The following DOCK4 variants were observed in gnomAD, a reference collection of about 807,000 sequenced individuals.
The protein encoded by DOCK4 is dedicator of cytokinesis protein 4.
A neutral mutation model predicts 268.1 loss-of-function variants in DOCK4; 97 were observed. That is an observed-to-expected ratio of 0.36 (90% CI 0.31 to 0.43). DOCK4 has a LOEUF of 0.43. Among genes scored for constraint, DOCK4 ranks in the 20% least tolerant of loss-of-function variants. The pLI, the probability that DOCK4 is intolerant of heterozygous loss-of-function variation, is 1.00. For missense variants in DOCK4, 2,145 were observed against 2,455.7 expected, an observed-to-expected ratio of 0.87 and a Z score of 2.67; for synonymous variants, 954 against 887.2, an observed-to-expected ratio of 1.08 and a Z score of -1.34.
At chr7:111,783,005 A>G in intron 34 of DOCK4, 81 bp from the exon 35 acceptor site, 5 of 1,149,404 alleles carry the variant, frequency 4.4e-6, no homozygotes, top group Non-Finnish European at 6.1e-6. Flanking sequence ...GGGGAAAAAA[A>G]GAAAGAAAGA....
intron 1 of DOCK4, among the ~76,000 whole-genome samples, chr7:112,021,744 G>T (rs1031495051): frequency 2.6e-5 from 4 of 152,092 alleles, no homozygotes; most frequent in African/African-American, 9.7e-5. Context: ...TATTTCCTCA[G>T]AGGGTTCCCA....
chr7:112,180,844 C>T (rs1441182627), intron 1 of DOCK4, among the ~76,000 whole-genome samples: 2 of 152,090 alleles, frequency 1.3e-5, no homozygotes, highest in East Asian at 1.9e-4. Flanking sequence ...AACTGCCTGC[C>T]CCTCTAGGAA....
intron 1 of DOCK4, among the ~76,000 whole-genome samples, chr7:112,051,015 A>G (rs1301869348): frequency 6.6e-6 from 1 of 152,180 alleles, no homozygotes; most frequent in East Asian, 1.9e-4. Flanking sequence ...AGAGTAAAAT[A>G]TGGCCATTGC....
At chr7:111,747,174 C>T in intron 43 of DOCK4, 93 bp downstream of exon 43, 16 of 1,214,534 alleles carry the variant, frequency 1.3e-5, no homozygotes, top group Non-Finnish European at 1.8e-5. Flanking sequence ...TGTTTGCGTG[C>T]TGATATGGGT....
chr7:111,984,217 T>C, intron 7 of DOCK4, 89 bp downstream of exon 7: 1 of 1,172,970 alleles, frequency 8.5e-7, no homozygotes, highest in Admixed American at 2.4e-5. Context: ...TGGAACATCC[T>C]GTTCTTACAA....
chr7:112,176,312 A>G (rs1818502794), intron 1 of DOCK4, among the ~76,000 whole-genome samples: 1 of 152,152 alleles, frequency 6.6e-6, no homozygotes, highest in African/African-American at 2.4e-5. Context: ...CATATCTCTT[A>G]TCACCACCCT....
chr7:111,937,764 C>T (rs568548560), intron 11 of DOCK4, among the ~76,000 whole-genome samples: 1 of 152,306 alleles, frequency 6.6e-6, no homozygotes, highest in African/African-American at 2.4e-5. Context: ...AACTGGAGAG[C>T]TCAGATGCTG....
intron 35 of DOCK4, among the ~76,000 whole-genome samples, chr7:111,780,628 T>C (rs1005908519): frequency 3.3e-4 from 50 of 152,358 alleles, no homozygotes; most frequent in African/African-American, 1.2e-3. Flanking sequence ...CATTTCCTAG[T>C]ATTAGTCATG....
intron 1 of DOCK4, among the ~76,000 whole-genome samples, chr7:112,025,876 C>T (rs987324472): frequency 1.7e-4 from 26 of 152,182 alleles, no homozygotes; most frequent in African/African-American, 6.0e-4. Flanking sequence ...AGAGAGTGTC[C>T]CCTCCACCAT....
intron 1 of DOCK4, among the ~76,000 whole-genome samples, chr7:112,157,894 G>C (rs980436403): frequency 6.6e-6 from 1 of 152,128 alleles, no homozygotes; most frequent in Non-Finnish European, 1.5e-5. Context: ...GCATTTAAAT[G>C]ATTAGCACAT....
At chr7:111,940,386 T>G (rs1795115079) in intron 10 of DOCK4, 144 bp from the exon 11 acceptor site, 2 of 1,075,778 alleles carry the variant, frequency 1.9e-6, no homozygotes, top group Non-Finnish European at 2.7e-6. Context: ...CAGAAGATAT[T>G]GCTTCAGTTC....
At chr7:112,004,915 C>T (rs985243981) in intron 1 of DOCK4, among the ~76,000 whole-genome samples, 2 of 152,090 alleles carry the variant, frequency 1.3e-5, no homozygotes, top group African/African-American at 2.4e-5. Flanking sequence ...GGAGAAAGTA[C>T]GCACAGATTA....
At chr7:112,014,383 T>C (rs940075452) in intron 1 of DOCK4, among the ~76,000 whole-genome samples, 4 of 152,216 alleles carry the variant, frequency 2.6e-5, no homozygotes, top group African/African-American at 9.6e-5. Context: ...GGGACTAGTA[T>C]TCCAACCAGC....
At chr7:111,988,753 C>T (rs937859961) in intron 6 of DOCK4, among the ~76,000 whole-genome samples, 4 of 152,200 alleles carry the variant, frequency 2.6e-5, no homozygotes, top group African/African-American at 9.7e-5. Flanking sequence ...TTGCTGTGAA[C>T]ATTTCATTTT....
intron 36 of DOCK4, among the ~76,000 whole-genome samples, chr7:111,772,687 T>C (rs1014493733): frequency 2.0e-5 from 3 of 152,094 alleles, no homozygotes; most frequent in Non-Finnish European, 4.4e-5. Context: ...TCCCAGCTAC[T>C]CAGGAGGCTG....
Position 112,016,387 on chromosome 7 carries a change from T to C in DOCK4, c.38-12256A>G, listed in dbSNP as rs569203798. On this transcript the variant is annotated intron_variant, in intron 1 of 52. Transcript: ENST00000428084. ...TTGGTGTATCTCATCAGGAGGTACA[T>C]GATGGTGATAGGTTTTATTACTGGT... Among the ~76,000 whole-genome samples, 17 of 152,346 alleles carry C rather than the reference T, an allele frequency of 1.1e-4. No homozygotes were observed. The East Asian group carries it at 1.4e-3, about 12-fold the overall frequency.
intron 11 of DOCK4, among the ~76,000 whole-genome samples, chr7:111,938,764 A>G (rs1354012949): frequency 6.6e-6 from 1 of 152,152 alleles, no homozygotes; most frequent in Non-Finnish European, 1.5e-5. Context: ...TAATCATATA[A>G]GAAGGTTATT....
At chr7:111,914,742 G>A (rs553535677) in intron 13 of DOCK4, among the ~76,000 whole-genome samples, 2 of 152,128 alleles carry the variant, frequency 1.3e-5, no homozygotes, top group South Asian at 4.1e-4. Flanking sequence ...TACCTACACT[G>A]GTTTTCACCT....
intron 8 of DOCK4, 75 bp from the exon 9 acceptor site, chr7:111,945,873 C>G (rs758444681): frequency 1.8e-6 from 2 of 1,102,478 alleles, no homozygotes; most frequent in Non-Finnish European, 2.7e-6. Flanking sequence ...AACTACTCTT[C>G]ATCACAACAG....
Sources: gnomAD v4.1 joint callset for allele counts (sites outside exome capture counted in the v4.1 genomes callset) on GRCh38, gnomAD v4.1.1 for gene constraint, MANE v1.5 for transcripts, NCBI Gene and HGNC (gene_info 2026-07-23, HGNC 2026-07-21) for gene names.